The following CTNND2 variants were observed in gnomAD, a reference collection of about 807,000 sequenced individuals.
The protein encoded by CTNND2 is catenin delta 2.
In CTNND2, 22 loss-of-function variants were observed where a neutral mutation model predicts 144.4. The ratio of observed to expected loss-of-function variants is 0.15; its 90% CI spans 0.11 to 0.22. The LOEUF (loss-of-function observed/expected upper bound fraction) is 0.22. Ranked by LOEUF, CTNND2 falls within the 10% of genes least tolerant of loss-of-function variation. The pLI is 1.00. For missense variants in CTNND2, 1,353 were observed against 1,618.8 expected, an observed-to-expected ratio of 0.84 and a Z score of 2.82; for synonymous variants, 751 against 695.6, an observed-to-expected ratio of 1.08 and a Z score of -1.25.
intron 18 of CTNND2, among the ~76,000 whole-genome samples, chr5:11,016,273 AAC>A (rs1293726865): frequency 6.6e-6 from 1 of 152,188 alleles, no homozygotes; most frequent in Non-Finnish European, 1.5e-5. Context: ...TTTCAACTTA[AAC>A]ACACTTCCTC....
chr5:11,579,014 C>T (rs536029646), intron 2 of CTNND2, among the ~76,000 whole-genome samples: 11 of 152,272 alleles, frequency 7.2e-5, no homozygotes, highest in African/African-American at 2.6e-4. Flanking sequence ...TACAATACTG[C>T]GCATTCAATT....
At chr5:11,432,121 C>CTTTTTTTTT (rs5865940) in intron 3 of CTNND2, among the ~76,000 whole-genome samples, 2 of 78,384 alleles carry the variant, frequency 2.6e-5, no homozygotes, top group African/African-American at 8.4e-5. Context: ...GAGGTTGAGG[C>CTTTTTTTTT]TTTTTTTTTT....
chr5:11,903,431 C>G lies in CTNND2; in HGVS notation c.37+386G>C. On this transcript the variant is annotated intron_variant, in intron 1 of 21. Coordinates refer to ENST00000304623, the MANE Select transcript of CTNND2 (RefSeq NM_001332.4). The surrounding 1 kb of genome is among the most constrained non-coding windows in gnomAD (Gnocchi z 5.4). ...AAGACTGGAGGGAAGTCCTCCCCAC[C>G]CCCACCCCGTCTCCTCCCGTATATT... 1 of 990,404 alleles carries G rather than the reference C, an allele frequency of 1.0e-6. No homozygotes were observed. Among genetic ancestry groups the G allele is most frequent in the Non-Finnish European group, 1.2e-6 (1 of 816,152 alleles). The allele number at this position is 990,404 out of a possible 1,614,324, so 61.4% of individuals were successfully genotyped here.
At chr5:11,814,611 G>A (rs1201560789) in intron 1 of CTNND2, among the ~76,000 whole-genome samples, 1 of 152,262 alleles carries the variant, frequency 6.6e-6, no homozygotes, top group African/African-American at 2.4e-5. Flanking sequence ...GACGCAGAGA[G>A]CCACCGTTGG....
At chr5:11,620,242 G>A (rs1321023916) in intron 2 of CTNND2, among the ~76,000 whole-genome samples, 1 of 152,064 alleles carries the variant, frequency 6.6e-6, no homozygotes. Flanking sequence ...GCCAGTGCTT[G>A]TGTACCCCTA....
intron 9 of CTNND2, among the ~76,000 whole-genome samples, chr5:11,259,295 G>A (rs1372492290): frequency 1.3e-5 from 2 of 152,094 alleles, no homozygotes; most frequent in African/African-American, 4.8e-5. Context: ...TGGGTCTCTT[G>A]GGATGTTTAT....
chr5:11,192,012 A>G (rs1258729330), intron 11 of CTNND2, among the ~76,000 whole-genome samples: 1 of 152,122 alleles, frequency 6.6e-6, no homozygotes, highest in Non-Finnish European at 1.5e-5. Flanking sequence ...GTCAGGTCTA[A>G]TCCTGATAAC....
intron 13 of CTNND2, among the ~76,000 whole-genome samples, chr5:11,111,254 T>C (rs149298773): frequency 1.1e-4 from 17 of 152,310 alleles, no homozygotes; most frequent in South Asian, 4.1e-4. Context: ...CACAAATAAA[T>C]GACTTATCAG....
chr5:11,895,827 G>A (rs575069500), intron 1 of CTNND2, among the ~76,000 whole-genome samples: 3 of 152,016 alleles, frequency 2.0e-5, no homozygotes, highest in Admixed American at 6.6e-5. Context: ...AAAATTAGAC[G>A]TAGACACCAA....
intron 2 of CTNND2, among the ~76,000 whole-genome samples, chr5:11,677,780 C>A (rs1261892448): frequency 6.6e-6 from 1 of 152,140 alleles, no homozygotes; most frequent in Non-Finnish European, 1.5e-5. Context: ...GTGGTTTCCA[C>A]ATAAAACACC....
In CTNND2 at chr5:11,487,850, T is replaced by G. The variant is rs1054093201; in HGVS notation, c.288-75781A>C. On this transcript the variant is annotated intron_variant, in intron 3 of 21. Transcript: ENST00000304623. Reference sequence around the variant, plus strand: ...ACGGTGGGAGTATTTAGACCACAGATACGAGCAAAGACTACGGATCAGTGG... The same window carrying G: ...ACGGTGGGAGTATTTAGACCACAGAGACGAGCAAAGACTACGGATCAGTGG... 1.1e-4 allele frequency among the ~76,000 whole-genome samples: 17 copies of G among 152,242 alleles called. No individual in the cohort carries two copies. In the South Asian group the frequency reaches 3.3e-3, roughly 30 times the overall value.
rs1445523971 is a variant in CTNND2, at chr5:11,372,718, T to A, written c.1178-7828A>T. On this transcript the variant is annotated intron_variant, in intron 7 of 21. Transcript: ENST00000304623. Reference sequence around the variant, plus strand: ...TGTTTTTCAAAATGCCACAGGCATATGAATGCCTTAATTGGAATGCAGGTT... The same window carrying A: ...TGTTTTTCAAAATGCCACAGGCATAAGAATGCCTTAATTGGAATGCAGGTT... Among the ~76,000 whole-genome samples the A allele has an allele frequency of 2.0e-5, 3 of 152,208 alleles. No individual in the cohort carries two copies. In the East Asian group the frequency reaches 5.8e-4, roughly 29 times the overall value.
intron 16 of CTNND2, among the ~76,000 whole-genome samples, chr5:11,058,924 C>A (rs1302483995): frequency 6.6e-6 from 1 of 152,184 alleles, no homozygotes; most frequent in Non-Finnish European, 1.5e-5. Flanking sequence ...TGCATGGGTC[C>A]TGTAGCCCCT....
At chr5:11,584,032 A>G (rs1178245060) in intron 2 of CTNND2, among the ~76,000 whole-genome samples, 1 of 152,214 alleles carries the variant, frequency 6.6e-6, no homozygotes, top group African/African-American at 2.4e-5. Flanking sequence ...GGGTGCAGTT[A>G]ATCCCCCACC....
At chr5:11,186,122 G>T (rs1735595872) in intron 11 of CTNND2, among the ~76,000 whole-genome samples, 1 of 152,196 alleles carries the variant, frequency 6.6e-6, no homozygotes, top group Non-Finnish European at 1.5e-5. Context: ...TTAGAGATAA[G>T]CACAGATACA....
intron 16 of CTNND2, among the ~76,000 whole-genome samples, chr5:11,033,424 T>C (rs976252712): frequency 6.6e-6 from 1 of 152,240 alleles, no homozygotes; most frequent in African/African-American, 2.4e-5. Flanking sequence ...CCCAATTTGA[T>C]TGGCTTATGT....
chr5:11,554,112 T>C (rs982569651), intron 3 of CTNND2, among the ~76,000 whole-genome samples: 1 of 152,336 alleles, frequency 6.6e-6, no homozygotes, highest in Non-Finnish European at 1.5e-5. Flanking sequence ...ACTGGTATTT[T>C]ATAGACAAGA....
In CTNND2 at chr5:11,384,679, G is replaced by T; in HGVS notation, c.1163C>A (p.Pro388Gln). Residue 388 changes from proline to glutamine, a missense_variant, in exon 7 of 22, where the codon CCG becomes CAG. This residue lies in a region of CTNND2 where 708 missense variants were observed against 706.4 expected (regional missense o/e 1.00). Transcript: ENST00000304623. This position sits in a 1 kb window ranked among gnomAD's most constrained non-coding sequence, Gnocchi z 5.2. ...ELYATATLQR[P>Q]GSLAAGSRAS... ...CGAGCCTTTACCTGCCAGGCTGCCC[G>T]GCCTCTGGAGGGTGGCCGTGGCATA... The T allele has an allele frequency of 6.2e-7, 1 of 1,603,722 alleles. No homozygotes were observed.
intron 1 of CTNND2, among the ~76,000 whole-genome samples, chr5:11,773,638 T>C (rs1052197990): frequency 6.6e-6 from 1 of 152,064 alleles, no homozygotes; most frequent in Admixed American, 6.6e-5. Context: ...GGTGAGACCC[T>C]GTCTCTACCA....
Sources: allele counts gnomAD v4.1 joint callset (sites outside exome capture counted in the v4.1 genomes callset), GRCh38; gene constraint gnomAD v4.1.1; regional missense constraint gnomAD v4.1.1; non-coding constraint Gnocchi (gnomAD v3.1); transcripts MANE v1.5; gene names NCBI Gene and HGNC (gene_info 2026-07-23, HGNC 2026-07-21).